CAST: variants seen among roughly 807,000 people sequenced by gnomAD.
CAST encodes MIR583 host.
Under a neutral mutation model 119.6 loss-of-function variants are expected in CAST, and 76 were observed. The observed-to-expected ratio is 0.64, with a 90% confidence interval of 0.53 to 0.77. The LOEUF (loss-of-function observed/expected upper bound fraction) is 0.77. CAST is among the 30% of genes least tolerant of loss of function. The pLI, the probability that CAST is intolerant of heterozygous loss-of-function variation, is 0.00. For missense variants in CAST, 953 were observed against 946.5 expected, an observed-to-expected ratio of 1.01 and a Z score of -0.09; for synonymous variants, 319 against 331.6, an observed-to-expected ratio of 0.96 and a Z score of 0.41.
At chr5:96,552,717 A>T (rs560031342) in intron 1 of CAST, among the ~76,000 whole-genome samples, 9 of 152,342 alleles carry the variant, frequency 5.9e-5, no homozygotes, top group African/African-American at 2.2e-4. Context: ...TTAAAAAATG[A>T]TAAAGTGGGT....
chr5:96,327,550 T>C, the CAST span, among the ~76,000 whole-genome samples: 4 of 152,240 alleles, frequency 2.6e-5, no homozygotes, highest in African/African-American at 9.6e-5. Context: ...TCTCTCCCCT[T>C]GAAAACGGCA....
At chr5:96,622,521 T>C (rs1472878271) in intron 1 of CAST, among the ~76,000 whole-genome samples, 3 of 152,188 alleles carry the variant, frequency 2.0e-5, no homozygotes, top group Non-Finnish European at 1.5e-5. Flanking sequence ...TGGATGTTGG[T>C]TGATAAGTGA....
intron 1 of CAST, among the ~76,000 whole-genome samples, chr5:96,628,818 C>CGAG (rs1329312393): frequency 6.6e-6 from 1 of 151,628 alleles, no homozygotes; most frequent in Non-Finnish European, 1.5e-5. Context: ...ACATAATCAA[C>CGAG]GAGCAAATAT....
the CAST span, among the ~76,000 whole-genome samples, chr5:96,162,513 G>T: frequency 1.3e-5 from 2 of 152,134 alleles, no homozygotes; most frequent in Admixed American, 1.3e-4. Context: ...TGCCTCCCGG[G>T]TTCAAGCAAT....
chr5:96,348,114 G>A, the CAST span, among the ~76,000 whole-genome samples: 2 of 152,230 alleles, frequency 1.3e-5, no homozygotes, highest in South Asian at 4.2e-4. Flanking sequence ...TGCATTCATC[G>A]GATGTAGTAT....
intron 1 of CAST, among the ~76,000 whole-genome samples, chr5:96,552,314 G>A (rs1746146140): frequency 2.0e-5 from 3 of 152,262 alleles, no homozygotes; most frequent in East Asian, 3.9e-4. Flanking sequence ...GCTCCTGAAC[G>A]ACTACTGGGT....
chr5:96,474,439 G>T, the CAST span, among the ~76,000 whole-genome samples: 1 of 152,158 alleles, frequency 6.6e-6, no homozygotes, highest in South Asian at 2.1e-4. Context: ...ATGGGGGGTG[G>T]GGGTGAGGGG....
chr5:96,186,576 A>G, the CAST span, among the ~76,000 whole-genome samples: 1 of 152,210 alleles, frequency 6.6e-6, no homozygotes, highest in Non-Finnish European at 1.5e-5. Flanking sequence ...GAATTTTATC[A>G]AAAGCTTTTT....
intron 19 of CAST, 38 bp downstream of exon 19, chr5:96,748,651 T>A: frequency 2.8e-6 from 3 of 1,059,140 alleles, no homozygotes. Context: ...GTTTTGAGGT[T>A]TGTGATCTTA....
At chr5:96,089,310 A>G in the CAST span, among the ~76,000 whole-genome samples, 1 of 152,116 alleles carries the variant, frequency 6.6e-6, no homozygotes, top group Non-Finnish European at 1.5e-5. Flanking sequence ...ATGTTTATCA[A>G]TATTTAAAAT....
At chr5:95,990,995 A>G in the CAST span, among the ~76,000 whole-genome samples, 4 of 152,194 alleles carry the variant, frequency 2.6e-5, no homozygotes, top group African/African-American at 9.7e-5. Flanking sequence ...TGTTTTCTCC[A>G]CAGGAGAGAG....
At chr5:96,364,358 G>A in the CAST span, among the ~76,000 whole-genome samples, 1 of 152,188 alleles carries the variant, frequency 6.6e-6, no homozygotes, top group East Asian at 1.9e-4. Context: ...AAATGAGTTA[G>A]GGAGGATTCC....
intron 1 of CAST, among the ~76,000 whole-genome samples, chr5:96,588,755 C>T (rs1746907624): frequency 6.6e-6 from 1 of 152,160 alleles, no homozygotes; most frequent in Non-Finnish European, 1.5e-5. Flanking sequence ...GGCCATAAAA[C>T]TACTCATCCA....
In CAST at chr5:96,724,874, C is replaced by A. The variant is rs75084070; in HGVS notation, c.271-1920C>A. Among the ~76,000 whole-genome samples the A allele has an allele frequency of 8.4e-3, 1,283 of 152,192 alleles. 22 individuals are homozygous for A. Among genetic ancestry groups the A allele is most frequent in the African/African-American group, 0.029 (1,214 of 41,518 alleles). On this transcript the variant is annotated intron_variant, in intron 4 of 31. Transcript: ENST00000675179. Reference sequence around the variant, plus strand: ...AAATAATCTCATTGAATTTAGAGATCATGAAAACCAAAGAAAAGAGATAGG... The same window carrying A: ...AAATAATCTCATTGAATTTAGAGATAATGAAAACCAAAGAAAAGAGATAGG...
At chr5:96,306,336 T>C in the CAST span, among the ~76,000 whole-genome samples, 1 of 152,206 alleles carries the variant, frequency 6.6e-6, no homozygotes, top group African/African-American at 2.4e-5. Context: ...TTTTTCTCTC[T>C]TTTCTTGTTT....
chr5:96,712,628 G>A (rs943685592), intron 3 of CAST, among the ~76,000 whole-genome samples: 4 of 152,028 alleles, frequency 2.6e-5, no homozygotes, highest in African/African-American at 4.8e-5. Context: ...TGTGCCCAGC[G>A]ACCATCTCTT....
At chr5:96,361,809 C>CTTTTT in the CAST span, among the ~76,000 whole-genome samples, 17 of 68,624 alleles carry the variant, frequency 2.5e-4, 1 homozygote, top group African/African-American at 1.1e-3. Flanking sequence ...CTCTAGTATG[C>CTTTTT]TTTTTTTTTT....
chr5:96,518,373 A>G, the CAST span, among the ~76,000 whole-genome samples: 12 of 152,342 alleles, frequency 7.9e-5, no homozygotes, highest in Non-Finnish European at 1.8e-4. Flanking sequence ...CAATTAGATT[A>G]TGGGATATCT....
chr5:96,411,949 A>G, the CAST span, among the ~76,000 whole-genome samples: 2 of 152,150 alleles, frequency 1.3e-5, no homozygotes, highest in Non-Finnish European at 2.9e-5. Context: ...AGCTGGGACT[A>G]TAGGCATCTA....
Sources: gnomAD v4.1 joint callset for allele counts (sites outside exome capture counted in the v4.1 genomes callset) on GRCh38, gnomAD v4.1.1 for gene constraint, MANE v1.5 for transcripts, NCBI Gene and HGNC (gene_info 2026-07-23, HGNC 2026-07-21) for gene names.